Variants in MAGI2 observed in about 807,000 individuals in gnomAD.
MAGI2 encodes membrane associated guanylate kinase, WW and PDZ domain containing 2.
Under a neutral mutation model 133.3 loss-of-function variants are expected in MAGI2, and 35 were observed. The observed-to-expected ratio is 0.26, with a 90% confidence interval of 0.20 to 0.35. The LOEUF (loss-of-function observed/expected upper bound fraction) is 0.35, where lower values mean the gene tolerates loss of function less well. Among genes scored for constraint, MAGI2 ranks in the 10% least tolerant of loss-of-function variants. The probability of loss-of-function intolerance (pLI) is 1.00; values close to 1 mark genes in which losing one functional copy is unlikely to be tolerated. For synonymous variants in MAGI2, 729 were observed against 710.6 expected (o/e 1.03, Z -0.41); for missense variants, 1,636 against 1,863.4 (o/e 0.88, Z 2.25).
chr7:78,450,265 A>T (rs1400438878), intron 6 of MAGI2, among the ~76,000 whole-genome samples: 6 of 152,010 alleles, frequency 3.9e-5, no homozygotes, highest in Non-Finnish European at 2.9e-5. Context: ...ACTCCTTTCA[A>T]TCCTGGGAAT....
chr7:78,147,843 C>T (rs917649827), intron 16 of MAGI2, among the ~76,000 whole-genome samples: 1 of 151,610 alleles, frequency 6.6e-6, no homozygotes, highest in African/African-American at 2.4e-5. Context: ...CCAAAAAAAA[C>T]CACCCCCAAA....
At chr7:79,333,789 T>G (rs2129093073) in intron 1 of MAGI2, among the ~76,000 whole-genome samples, 1 of 152,234 alleles carries the variant, frequency 6.6e-6, no homozygotes, top group African/African-American at 2.4e-5. Context: ...TTAAAATACA[T>G]AAATATAAAT....
chr7:78,857,161 A>G (rs920201721), intron 2 of MAGI2, among the ~76,000 whole-genome samples: 2 of 152,188 alleles, frequency 1.3e-5, no homozygotes, highest in Admixed American at 6.5e-5. Flanking sequence ...GACTGAGACA[A>G]TGGGGTTTTC....
chr7:78,466,157 C>T (rs1335151866), intron 6 of MAGI2, among the ~76,000 whole-genome samples: 1 of 152,140 alleles, frequency 6.6e-6, no homozygotes, highest in Non-Finnish European at 1.5e-5. Flanking sequence ...TTCCTGACTG[C>T]TTTCTTACCC....
intron 2 of MAGI2, among the ~76,000 whole-genome samples, chr7:78,922,508 C>T (rs1333298629): frequency 6.6e-6 from 1 of 151,814 alleles, no homozygotes; most frequent in Non-Finnish European, 1.5e-5. Flanking sequence ...CATGTCCCTA[C>T]AAAGGACATG....
At chr7:78,513,657 G>A (rs371626987) in intron 4 of MAGI2, among the ~76,000 whole-genome samples, 1 of 152,114 alleles carries the variant, frequency 6.6e-6, no homozygotes, top group Non-Finnish European at 1.5e-5. Context: ...GAAACCTGAG[G>A]TGCTACTCTG....
At chr7:78,601,007 GTTATT>G (rs1805145151) in intron 3 of MAGI2, among the ~76,000 whole-genome samples, 1 of 152,084 alleles carries the variant, frequency 6.6e-6, no homozygotes, top group Non-Finnish European at 1.5e-5. Context: ...TTAAAAATAT[GTTATT>G]TTGTCAACAT....
At chr7:78,337,612 T>C (rs200570562) in intron 9 of MAGI2, among the ~76,000 whole-genome samples, 3 of 152,250 alleles carry the variant, frequency 2.0e-5, no homozygotes, top group African/African-American at 7.2e-5. Flanking sequence ...TGCTCACCTT[T>C]TCAATACCAA....
chr7:78,822,696 C>T (rs1441767015), intron 2 of MAGI2, among the ~76,000 whole-genome samples: 1 of 152,086 alleles, frequency 6.6e-6, no homozygotes, highest in Admixed American at 6.6e-5. Flanking sequence ...TTTTTCCCCA[C>T]CTACTGCCTG....
intron 3 of MAGI2, among the ~76,000 whole-genome samples, chr7:78,548,370 T>C (rs562848572): frequency 2.6e-5 from 4 of 152,208 alleles, no homozygotes; most frequent in Non-Finnish European, 5.9e-5. Context: ...TAAAGGCTAC[T>C]CCACAGGACA....
At chr7:79,400,598 C>T (rs539981197) in intron 1 of MAGI2, among the ~76,000 whole-genome samples, 2 of 152,128 alleles carry the variant, frequency 1.3e-5, no homozygotes, top group Non-Finnish European at 2.9e-5. Flanking sequence ...CATTCCTTAA[C>T]TGATTTTCAG....
chr7:79,144,262 T>C (rs1254445340), intron 1 of MAGI2, among the ~76,000 whole-genome samples: 1 of 152,218 alleles, frequency 6.6e-6, no homozygotes, highest in Non-Finnish European at 1.5e-5. Flanking sequence ...AGCACTGATA[T>C]GGTTTGGATT....
At chr7:78,287,882 A>C (rs1411867427) in intron 9 of MAGI2, among the ~76,000 whole-genome samples, 5 of 152,214 alleles carry the variant, frequency 3.3e-5, no homozygotes, top group African/African-American at 1.2e-4. Flanking sequence ...TCAGCAGGAA[A>C]AAATCAGTTA....
intron 2 of MAGI2, among the ~76,000 whole-genome samples, chr7:78,856,079 G>A (rs1793611821): frequency 6.6e-6 from 1 of 152,118 alleles, no homozygotes; most frequent in African/African-American, 2.4e-5. Context: ...CATATCCTTT[G>A]CACAGTTTTT....
intron 2 of MAGI2, among the ~76,000 whole-genome samples, chr7:78,921,682 A>G (rs946784058): frequency 2.0e-5 from 3 of 151,444 alleles, no homozygotes; most frequent in African/African-American, 7.3e-5. Context: ...CCCAGGCTAT[A>G]GTGCAGTGGT....
rs544934943 is a variant in MAGI2, at chr7:78,151,525, T to C, written c.2845+8500A>G. Among the ~76,000 whole-genome samples the C allele has an allele frequency of 9.2e-5, 14 of 152,070 alleles. No individual in the cohort carries two copies. The South Asian group carries it at 2.7e-3, about 29-fold the overall frequency. The stretch of plus-strand genomic sequence containing the variant: ...GAACAAGGGTTTTGCAACCAAGAAA[T>C]GTAAGATGACCGGGGCTGGCCAGAG... On this transcript the variant is annotated intron_variant, in intron 16 of 21. Coordinates refer to ENST00000354212, the MANE Select transcript of MAGI2 (RefSeq NM_012301.4).
intron 3 of MAGI2, among the ~76,000 whole-genome samples, chr7:78,528,309 G>C (rs1797157218): frequency 6.6e-6 from 1 of 152,126 alleles, no homozygotes; most frequent in East Asian, 1.9e-4. Flanking sequence ...AATTATGTTA[G>C]AAAACTTGCC....
intron 21 of MAGI2, among the ~76,000 whole-genome samples, chr7:78,034,521 G>GTTTAT (rs1029234140): frequency 2.0e-5 from 3 of 152,000 alleles, no homozygotes; most frequent in Non-Finnish European, 4.4e-5. Flanking sequence ...AAATATCTCA[G>GTTTAT]TTTATTTTAT....
intron 2 of MAGI2, among the ~76,000 whole-genome samples, chr7:78,861,359 C>A (rs1421830905): frequency 2.0e-5 from 3 of 152,170 alleles, no homozygotes; most frequent in African/African-American, 7.2e-5. Flanking sequence ...CATCTTGGAA[C>A]CTCTCCTGTA....
Sources: gnomAD v4.1 joint callset for allele counts (sites outside exome capture counted in the v4.1 genomes callset) on GRCh38, gnomAD v4.1.1 for gene constraint, MANE v1.5 for transcripts, NCBI Gene and HGNC (gene_info 2026-07-23, HGNC 2026-07-21) for gene names.